Variants in CHRM3 observed in about 807,000 individuals in gnomAD.
CHRM3 encodes the protein muscarinic acetylcholine receptor M3.
CHRM3 carries 11 observed loss-of-function variants against 41.8 expected under a neutral mutation model. That is an observed-to-expected ratio of 0.26 (90% CI 0.17 to 0.44). The LOEUF (loss-of-function observed/expected upper bound fraction) is 0.44, where lower values mean the gene tolerates loss of function less well. Ranked by LOEUF, CHRM3 falls within the 20% of genes least tolerant of loss-of-function variation. The pLI, the probability that CHRM3 is intolerant of heterozygous loss-of-function variation, is 1.00. For synonymous variants in CHRM3, 297 were observed against 301.4 expected (o/e 0.99, Z 0.15); for missense variants, 571 against 745.4 (o/e 0.77, Z 2.72).
intron 5 of CHRM3, among the ~76,000 whole-genome samples, chr1:239,759,887 A>T (rs528142470): frequency 2.3e-4 from 35 of 152,142 alleles, no homozygotes; most frequent in African/African-American, 8.2e-4. Context: ...TTGATGTATC[A>T]AATACTTTTC....
At chr1:239,889,231 G>A (rs1368077609) in intron 6 of CHRM3, among the ~76,000 whole-genome samples, 1 of 152,168 alleles carries the variant, frequency 6.6e-6, no homozygotes, top group Non-Finnish European at 1.5e-5. Flanking sequence ...CGGAAGATTG[G>A]TTGGATCAGG....
intron 1 of CHRM3, among the ~76,000 whole-genome samples, chr1:239,390,225 G>A (rs751765737): frequency 3.9e-5 from 6 of 152,088 alleles, no homozygotes; most frequent in Non-Finnish European, 7.4e-5. Context: ...AATAAAATGT[G>A]CCTTTATGCT....
At chr1:239,760,878 C>T (rs765441381) in intron 5 of CHRM3, among the ~76,000 whole-genome samples, 1 of 152,172 alleles carries the variant, frequency 6.6e-6, no homozygotes, top group Non-Finnish European at 1.5e-5. Flanking sequence ...TTGGCATTTG[C>T]CAAGCTTCTT....
chr1:239,875,830 C>T (rs1375308329), intron 6 of CHRM3, among the ~76,000 whole-genome samples: 1 of 152,202 alleles, frequency 6.6e-6, no homozygotes, highest in South Asian at 2.1e-4. Flanking sequence ...CCTATCATTT[C>T]TTCCAAGGCA....
At chr1:239,757,603 C>T (rs1666350632) in intron 5 of CHRM3, among the ~76,000 whole-genome samples, 1 of 150,004 alleles carries the variant, frequency 6.7e-6, no homozygotes, top group Non-Finnish European at 1.5e-5. Context: ...GCACGCCAGC[C>T]TGGGTCACAG....
chr1:239,705,715 C>G (rs1661094143), intron 5 of CHRM3: 1 of 151,960 alleles, frequency 6.6e-6, no homozygotes, highest in African/African-American at 2.4e-5. Context: ...GAAAAATTAA[C>G]CTGTATGAGG....
At chr1:239,662,713 A>T (rs1238457088) in intron 4 of CHRM3, among the ~76,000 whole-genome samples, 2 of 151,846 alleles carry the variant, frequency 1.3e-5, no homozygotes, top group Non-Finnish European at 2.9e-5. Context: ...TAAATATAGG[A>T]GTGTTTATTT....
At chr1:239,462,883 G>A (rs1168048895) in intron 1 of CHRM3, among the ~76,000 whole-genome samples, 1 of 152,024 alleles carries the variant, frequency 6.6e-6, no homozygotes, top group African/African-American at 2.4e-5. Flanking sequence ...AATCAATTTC[G>A]GACATTTGTT....
At chr1:239,904,523 G>A (rs975475718) in intron 6 of CHRM3, among the ~76,000 whole-genome samples, 2 of 152,134 alleles carry the variant, frequency 1.3e-5, no homozygotes, top group Non-Finnish European at 2.9e-5. Flanking sequence ...TATCTGGATG[G>A]GGGGAGAGCA....
At chr1:239,420,514 T>C (rs190867543) in intron 1 of CHRM3, among the ~76,000 whole-genome samples, 1 of 152,210 alleles carries the variant, frequency 6.6e-6, no homozygotes, top group Non-Finnish European at 1.5e-5. Flanking sequence ...AGATGTTCCT[T>C]GAGTTTTTGC....
At chr1:239,634,405 G>GAAAGAAA (rs1558401962) in intron 4 of CHRM3, among the ~76,000 whole-genome samples, 2 of 83,626 alleles carry the variant, frequency 2.4e-5, no homozygotes, top group Admixed American at 1.3e-4. Context: ...AAGAAAGAAA[G>GAAAGAAA]GAAAGAAAGA....
At chr1:239,618,969 C>A (rs1668051530) in intron 3 of CHRM3, among the ~76,000 whole-genome samples, 1 of 150,622 alleles carries the variant, frequency 6.6e-6, no homozygotes, top group Non-Finnish European at 1.5e-5. Flanking sequence ...GGCTGGAGTG[C>A]AGTGGCGGGA....
chr1:239,803,187 C>T (rs966709669), intron 5 of CHRM3, among the ~76,000 whole-genome samples: 3 of 152,116 alleles, frequency 2.0e-5, no homozygotes, highest in Admixed American at 1.3e-4. Flanking sequence ...GAAACATTCG[C>T]GTGTCTTATC....
At chr1:239,503,815 GA>G (rs1220567957) in intron 2 of CHRM3, among the ~76,000 whole-genome samples, 1 of 152,090 alleles carries the variant, frequency 6.6e-6, no homozygotes, top group Non-Finnish European at 1.5e-5. Context: ...TAAATTGGGG[GA>G]AAGGACACCC....
intron 1 of CHRM3, among the ~76,000 whole-genome samples, chr1:239,410,793 C>A (rs1298618607): frequency 4.6e-5 from 7 of 152,218 alleles, no homozygotes; most frequent in African/African-American, 1.7e-4. Context: ...ATTAAGACTT[C>A]TACCACACTG....
chr1:239,461,976 C>G (rs1665394492), intron 1 of CHRM3, among the ~76,000 whole-genome samples: 1 of 152,150 alleles, frequency 6.6e-6, no homozygotes, highest in Admixed American at 6.6e-5. Flanking sequence ...ATGGCCCTGT[C>G]CTCTGGCCTC....
At chr1:239,904,152 T>G (rs1249269598) in intron 6 of CHRM3, among the ~76,000 whole-genome samples, 5 of 152,012 alleles carry the variant, frequency 3.3e-5, no homozygotes, top group Admixed American at 3.3e-4. Flanking sequence ...GAGACCTAGA[T>G]AGTAGAAATG....
chr1:239,604,307 G>A (rs1270324488), intron 3 of CHRM3, among the ~76,000 whole-genome samples: 1 of 23,658 alleles, frequency 4.2e-5, no homozygotes, highest in Admixed American at 7.9e-4. Flanking sequence ...TTTTTTAACT[G>A]ACAATCTGAA....
intron 1 of CHRM3, among the ~76,000 whole-genome samples, chr1:239,420,895 C>T (rs796257281): frequency 4.6e-5 from 7 of 152,214 alleles, no homozygotes; most frequent in African/African-American, 1.7e-4. Context: ...TTCCGTCTCA[C>T]ATTTAACCTG....
Sources: allele counts gnomAD v4.1 joint callset (sites outside exome capture counted in the v4.1 genomes callset), GRCh38; gene constraint gnomAD v4.1.1; transcripts MANE v1.5; gene names NCBI Gene and HGNC (gene_info 2026-07-23, HGNC 2026-07-21).